EYS: variants seen among roughly 807,000 people sequenced by gnomAD.
EYS encodes the protein EGF-like photoreceptor maintenance factor.
In EYS, 250 loss-of-function variants were observed where a neutral mutation model predicts 282.1. The observed-to-expected ratio is 0.89, with a 90% CI of 0.80 to 0.98. The LOEUF is 0.98. Among genes scored for constraint, EYS ranks in the 50% least tolerant of loss-of-function variants. The probability of loss-of-function intolerance (pLI) is 0.00; values close to 1 mark genes in which losing one functional copy is unlikely to be tolerated. For missense variants in EYS, 4,016 were observed against 3,709.0 expected (o/e 1.08, Z -2.15); for synonymous variants, 1,355 against 1,282.9 (o/e 1.06, Z -1.20).
intron 2 of EYS, among the ~76,000 whole-genome samples, chr6:65,545,853 G>A (rs889871183): frequency 2.6e-5 from 4 of 152,020 alleles, no homozygotes; most frequent in Admixed American, 2.6e-4. Flanking sequence ...AGATAATTAT[G>A]CAAGATTATA....
intron 29 of EYS, among the ~76,000 whole-genome samples, chr6:64,345,247 A>T (rs1373346743): frequency 6.6e-6 from 1 of 152,194 alleles, no homozygotes; most frequent in Non-Finnish European, 1.5e-5. Flanking sequence ...TGCCAAGTCA[A>T]TGCTAAGCCA....
At chr6:63,921,151 A>C (rs554995226) in intron 35 of EYS, among the ~76,000 whole-genome samples, 13 of 152,222 alleles carry the variant, frequency 8.5e-5, no homozygotes, top group South Asian at 4.1e-4. Flanking sequence ...CCGCCTCGGC[A>C]TCCCAAAGTG....
chr6:64,589,154 G>A (rs1766321170), intron 26 of EYS, among the ~76,000 whole-genome samples: 1 of 151,926 alleles, frequency 6.6e-6, no homozygotes, highest in South Asian at 2.1e-4. Flanking sequence ...GCCTGTAAAA[G>A]TACAAGGACA....
At position 64,951,353 on chromosome 6, in the gene EYS, A is replaced by G. The variant is rs571670339; in HGVS notation, c.2260-5439T>C. Among the ~76,000 whole-genome samples the G allele has an allele frequency of 7.2e-5, 11 of 152,126 alleles. No homozygotes were observed. The South Asian group carries it at 2.3e-3, about 32-fold the overall frequency. ...AAACAGCTTTAACGGCATGAAAACC[A>G]TACTTGCCTAAAATGTGATCATGCA... On this transcript the variant is annotated intron_variant, in intron 14 of 42. Coordinates refer to ENST00000503581, the MANE Select transcript of EYS (RefSeq NM_001142800.2).
chr6:64,515,280 G>C (rs956596007), intron 26 of EYS, among the ~76,000 whole-genome samples: 4 of 151,530 alleles, frequency 2.6e-5, no homozygotes, highest in African/African-American at 9.7e-5. Context: ...CTTACTTTCT[G>C]TAAGAATAAG....
chr6:65,225,636 C>A (rs1036126624), intron 12 of EYS, among the ~76,000 whole-genome samples: 2 of 151,166 alleles, frequency 1.3e-5, no homozygotes, highest in African/African-American at 2.4e-5. Context: ...ATTGCTTGAA[C>A]CTGGGAGGTG....
At chr6:63,923,333 C>CGTAT (rs1764624875) in intron 35 of EYS, among the ~76,000 whole-genome samples, 1 of 152,046 alleles carries the variant, frequency 6.6e-6, no homozygotes. Context: ...TACTACCCAC[C>CGTAT]ATACACTAGG....
intron 12 of EYS, among the ~76,000 whole-genome samples, chr6:65,080,547 C>A (rs569285885): frequency 6.6e-6 from 1 of 152,096 alleles, no homozygotes; most frequent in South Asian, 2.1e-4. Flanking sequence ...TAGATATCAT[C>A]ATTTGGCATT....
chr6:65,300,547 C>G (rs1768790920), intron 11 of EYS, among the ~76,000 whole-genome samples: 1 of 152,066 alleles, frequency 6.6e-6, no homozygotes, highest in Non-Finnish European at 1.5e-5. Context: ...TTCCAACTGA[C>G]TTTGGTCTCT....
rs528651854 is a variant in EYS, at chr6:65,275,111, G to T, written c.2023+20752C>A. ...TCTGTCCCTTGGGTTGTATGATCCA[G>T]TAGATCCAATGGTGCTCAAAACGGC... On this transcript the variant is annotated intron_variant, in intron 12 of 42. Transcript: ENST00000503581. Among the ~76,000 whole-genome samples the T allele has an allele frequency of 3.1e-4, 47 of 152,290 alleles. 1 individual carries two copies. In the South Asian group the frequency reaches 8.7e-3, roughly 28 times the overall value.
At chr6:64,205,666 C>A (rs1416696534) in intron 31 of EYS, among the ~76,000 whole-genome samples, 1 of 152,018 alleles carries the variant, frequency 6.6e-6, no homozygotes, top group Non-Finnish European at 1.5e-5. Context: ...TCTAAATAAA[C>A]CAGGTGCCAG....
chr6:64,392,071 GCTAA>G (rs1356941355), intron 28 of EYS, among the ~76,000 whole-genome samples: 1 of 151,930 alleles, frequency 6.6e-6, no homozygotes, highest in African/African-American at 2.4e-5. Context: ...AACAAGAAGA[GCTAA>G]CTATCCTAAA....
At chr6:64,395,575 T>G (rs563088688) in intron 28 of EYS, among the ~76,000 whole-genome samples, 1 of 145,452 alleles carries the variant, frequency 6.9e-6, no homozygotes, top group East Asian at 2.0e-4. Flanking sequence ...AGGTGGGAAT[T>G]GAACAATGAG....
intron 31 of EYS, among the ~76,000 whole-genome samples, chr6:64,140,452 C>T (rs1774304533): frequency 6.6e-6 from 1 of 152,156 alleles, no homozygotes. Flanking sequence ...GATGTACTCT[C>T]AATCTATTTC....
intron 33 of EYS, among the ~76,000 whole-genome samples, chr6:64,023,069 A>T (rs561072579): frequency 2.0e-5 from 3 of 152,222 alleles, no homozygotes; most frequent in Non-Finnish European, 2.9e-5. Context: ...GAATTTGCCC[A>T]TTCCATATAG....
chr6:65,367,907 T>A (rs10455579), intron 8 of EYS, among the ~76,000 whole-genome samples: 29,689 of 151,524 alleles, frequency 0.2, 3,798 homozygotes, highest in Non-Finnish European at 0.27. Context: ...TTCCTGAGCA[T>A]TTCTGTATTA....
At chr6:64,861,941 T>C (rs908701482) in intron 19 of EYS, among the ~76,000 whole-genome samples, 1 of 152,214 alleles carries the variant, frequency 6.6e-6, no homozygotes, top group Admixed American at 6.5e-5. Context: ...CCAATATCAT[T>C]TTTTCTTCTC....
At chr6:64,794,392 G>T (rs146608868) in intron 22 of EYS, among the ~76,000 whole-genome samples, 264 of 152,188 alleles carry the variant, frequency 1.7e-3, no homozygotes, top group African/African-American at 6.2e-3. Flanking sequence ...GAATCATGGG[G>T]GCAGACTTCT....
intron 11 of EYS, among the ~76,000 whole-genome samples, chr6:65,320,053 T>A (rs911851362): frequency 2.0e-5 from 3 of 150,754 alleles, no homozygotes; most frequent in African/African-American, 7.3e-5. Flanking sequence ...TGCCTAATAA[T>A]AGAACAGAAA....
Sources: gnomAD v4.1 joint callset for allele counts (sites outside exome capture counted in the v4.1 genomes callset) on GRCh38, gnomAD v4.1.1 for gene constraint, MANE v1.5 for transcripts, NCBI Gene and HGNC (gene_info 2026-07-23, HGNC 2026-07-21) for gene names.